QPCT: variants seen among roughly 807,000 people sequenced by gnomAD.
The protein encoded by QPCT is glutaminyl-peptide cyclotransferase.
QPCT carries 44 observed loss-of-function variants against 43.4 expected under a neutral mutation model. That is an observed-to-expected ratio of 1.01 (90% CI 0.80 to 1.30). The LOEUF (loss-of-function observed/expected upper bound fraction) is 1.30. Ranked by LOEUF, QPCT falls within the 50% of genes most tolerant of loss-of-function variation. The pLI is 0.00. For synonymous variants in QPCT, 168 were observed against 168.4 expected (o/e 1.00, Z 0.02); for missense variants, 526 against 436.5 (o/e 1.21, Z -1.83).
chr2:37,367,022 A>G (rs1220003470), intron 3 of QPCT: 2 of 528,946 alleles, frequency 3.8e-6, no homozygotes, highest in Non-Finnish European at 6.7e-6. Context: ...AGGGAATGGA[A>G]GAAGGTGGTT....
intron 6 of QPCT, 103 bp from the exon 7 acceptor site, chr2:37,372,579 C>T: frequency 4.7e-6 from 7 of 1,476,452 alleles, no homozygotes; most frequent in Non-Finnish European, 6.6e-6. Context: ...GAATTATCAG[C>T]TGTCTTTATG....
chr2:37,353,003 T>C (rs960326571), intron 2 of QPCT, 68 bp downstream of exon 2: 8 of 1,532,042 alleles, frequency 5.2e-6, no homozygotes, highest in African/African-American at 2.7e-5. Context: ...GATAATGTTA[T>C]GGCTGAAGTT....
chr2:37,364,335 A>T (rs974872857), intron 3 of QPCT, among the ~76,000 whole-genome samples: 1 of 152,190 alleles, frequency 6.6e-6, no homozygotes, highest in Admixed American at 6.5e-5. Context: ...CTGCAGGTTG[A>T]TGGTGAGGGG....
Position 37,352,879 on chromosome 2 carries a change from C to A in QPCT, c.211C>A (p.Gln71Lys). 6.2e-7 allele frequency: 1 copy of A among 1,614,178 alleles called. No individual in the cohort carries two copies. The highest frequency in any genetic ancestry group is 8.5e-7 in the Non-Finnish European group (1 of 1,180,030). ...CTCTGAAATGTGGCAAAATGACTTA[C>A]AGCCATTGCTGATAGAGCGATACCC... ...SISEMWQNDL[Q>K]PLLIERYPGS... The change falls in exon 2 of 7, where the codon CAG (glutamine) becomes AAG (lysine). Residue 71 changes from glutamine to lysine, a missense_variant. Gln to Lys is a moderately conservative substitution (Grantham distance 53). Coordinates refer to ENST00000338415, the MANE Select transcript of QPCT (RefSeq NM_012413.4).
intron 6 of QPCT, 99 bp downstream of exon 6, chr2:37,372,571 A>G: frequency 1.4e-6 from 2 of 1,476,352 alleles, no homozygotes; most frequent in Non-Finnish European, 9.4e-7. Flanking sequence ...ATGATGATGA[A>G]TTATCAGCTG....
chr2:37,360,139 G>T (rs1041181558), intron 3 of QPCT: 2 of 401,260 alleles, frequency 5.0e-6, no homozygotes, highest in South Asian at 2.9e-5. Flanking sequence ...AATGAAGGAG[G>T]AAGTTTGTTT....
At chr2:37,367,208 T>C (rs1308347676) in intron 3 of QPCT, 24 bp from the exon 4 acceptor site, 9 of 1,584,232 alleles carry the variant, frequency 5.7e-6, no homozygotes, top group African/African-American at 1.4e-5. Flanking sequence ...TTTTTTGCTA[T>C]GTTTTTATTG....
At chr2:37,344,961 G>A (rs924322978) in intron 1 of QPCT, 110 bp downstream of exon 1, 2 of 1,418,304 alleles carry the variant, frequency 1.4e-6, no homozygotes. Context: ...CAGGGCCACG[G>A]TCCCCAGCCC....
At position 37,367,338 on chromosome 2, in the gene QPCT, A is replaced by G; in HGVS notation, c.653A>G (p.His218Arg). Residue 218 changes from histidine to arginine, a missense_variant, in exon 4 of 7, where the codon CAC becomes CGC. By Grantham distance (29) the His-to-Arg change is conservative. Coordinates refer to ENST00000338415, the MANE Select transcript of QPCT (RefSeq NM_012413.4). ...CAAGATTCTCTCTATGGGTCTCGAC[A>G]CTTAGCTGCAAAGATGGCATCGACC... ...SPQDSLYGSR[H>R]LAAKMASTPH... 1.2e-6 allele frequency: 2 copies of G among 1,614,078 alleles called. No individual in the cohort carries two copies. The highest frequency in any genetic ancestry group is 8.5e-7 in the Non-Finnish European group (1 of 1,179,984).
intron 3 of QPCT, 148 bp downstream of exon 3, chr2:37,360,006 C>A: frequency 1.1e-6 from 1 of 871,418 alleles, no homozygotes; most frequent in Non-Finnish European, 1.7e-6. Flanking sequence ...TGTAAGATTG[C>A]ATGATTGGGA....
intron 3 of QPCT, chr2:37,367,017 A>G (rs1248979226): frequency 3.9e-6 from 2 of 506,856 alleles, no homozygotes; most frequent in African/African-American, 2.0e-5. Context: ...TTCAGAGGGA[A>G]TGGAAGAAGG....
At chr2:37,345,722 G>A (rs1375400846) in intron 1 of QPCT, among the ~76,000 whole-genome samples, 3 of 151,990 alleles carry the variant, frequency 2.0e-5, no homozygotes, top group Non-Finnish European at 4.4e-5. Context: ...TGTAATCCCA[G>A]CTACTCGGGA....
chr2:37,368,470 C>T (rs1237622875), intron 4 of QPCT: 1 of 395,258 alleles, frequency 2.5e-6, no homozygotes, highest in Non-Finnish European at 5.2e-6. Flanking sequence ...ACGCTCACCC[C>T]ATCTGTGAAC....
chr2:37,364,600 T>A (rs1029114721), intron 3 of QPCT, among the ~76,000 whole-genome samples: 2 of 152,280 alleles, frequency 1.3e-5, no homozygotes, highest in African/African-American at 4.8e-5. Flanking sequence ...CAGGACGAAC[T>A]GGATTGCGAT....
intron 3 of QPCT, among the ~76,000 whole-genome samples, chr2:37,360,904 A>G (rs1672847118): frequency 6.6e-6 from 1 of 152,300 alleles, no homozygotes; most frequent in African/African-American, 2.4e-5. Context: ...TCATATTTGC[A>G]CTTCTAGTAT....
At chr2:37,370,914 T>C (rs1293399979) in intron 5 of QPCT, among the ~76,000 whole-genome samples, 2 of 152,222 alleles carry the variant, frequency 1.3e-5, no homozygotes, top group East Asian at 3.8e-4. Context: ...GGGGCTGCTT[T>C]GAAGGCAAGA....
intron 5 of QPCT, among the ~76,000 whole-genome samples, chr2:37,371,175 C>A (rs768250270): frequency 6.6e-6 from 1 of 152,022 alleles, no homozygotes; most frequent in Non-Finnish European, 1.5e-5. Flanking sequence ...TTCTTCCTTG[C>A]AGCATATTTT....
intron 4 of QPCT, 98 bp downstream of exon 4, chr2:37,367,506 C>A: frequency 8.3e-7 from 1 of 1,202,012 alleles, no homozygotes. Context: ...GCCACAGCAT[C>A]CTTGGAGCAC....
chr2:37,363,688 C>T, intron 3 of QPCT, among the ~76,000 whole-genome samples: 1 of 137,236 alleles, frequency 7.3e-6, no homozygotes. Context: ...AAATAGAAAG[C>T]AAAACAAATC....
Sources: gnomAD v4.1 joint callset for allele counts (sites outside exome capture counted in the v4.1 genomes callset) on GRCh38, gnomAD v4.1.1 for gene constraint, MANE v1.5 for transcripts, NCBI Gene and HGNC (gene_info 2026-07-23, HGNC 2026-07-21) for gene names.